Variants in PLGRKT observed in about 807,000 individuals in gnomAD.
PLGRKT encodes plasminogen receptor (KT).
A neutral mutation model predicts 18.5 loss-of-function variants in PLGRKT; 22 were observed. That is an observed-to-expected ratio of 1.19 (90% confidence interval 0.85 to 1.70). PLGRKT has a LOEUF of 1.70. PLGRKT is among the 40% of genes most tolerant of loss of function. The pLI, the probability that PLGRKT is intolerant of heterozygous loss-of-function variation, is 0.00. For synonymous variants in PLGRKT, 72 were observed against 52.8 expected, an observed-to-expected ratio of 1.36 and a Z score of -1.58; for missense variants, 235 against 174.4, an observed-to-expected ratio of 1.35 and a Z score of -1.96.
chr9:5,361,917 G>C, intron 3 of PLGRKT, 29 bp from the exon 4 acceptor site: 1 of 1,600,042 alleles, frequency 6.2e-7, no homozygotes, highest in Non-Finnish European at 8.5e-7. Flanking sequence ...ACAAAGTAAA[G>C]TTACTCATCT....
intron 3 of PLGRKT, among the ~76,000 whole-genome samples, chr9:5,401,363 T>C (rs1000175626): frequency 6.6e-6 from 1 of 152,008 alleles, no homozygotes; most frequent in African/African-American, 2.4e-5. Flanking sequence ...ATTAAAACTT[T>C]GTCTAACACT....
chr9:5,391,809 T>C (rs1047810269), intron 3 of PLGRKT, among the ~76,000 whole-genome samples: 1 of 151,930 alleles, frequency 6.6e-6, no homozygotes, highest in Non-Finnish European at 1.5e-5. Context: ...TAGTGACTTA[T>C]TAGGTTCTCT....
At chr9:5,433,464 G>A (rs1316808137) in intron 2 of PLGRKT, among the ~76,000 whole-genome samples, 6 of 134,434 alleles carry the variant, frequency 4.5e-5, no homozygotes, top group African/African-American at 1.1e-4. Context: ...CCGCCACCCC[G>A]TCTAGGAAGC....
chr9:5,396,808 G>GT (rs147907534), intron 3 of PLGRKT, among the ~76,000 whole-genome samples: 1,893 of 152,052 alleles, frequency 0.012, 23 homozygotes, highest in Middle Eastern at 0.031. Flanking sequence ...TCATCTGAAT[G>GT]TAACAGATGG....
intron 3 of PLGRKT, among the ~76,000 whole-genome samples, chr9:5,421,856 A>G (rs1285036815): frequency 1.3e-5 from 2 of 152,242 alleles, no homozygotes; most frequent in African/African-American, 4.8e-5. Context: ...AAGAGCTTCC[A>G]TTAGCCAAAG....
At chr9:5,434,000 A>AAGTGGGCGCCTCTGCCT (rs1818898038) in intron 2 of PLGRKT, among the ~76,000 whole-genome samples, 1 of 106,706 alleles carries the variant, frequency 9.4e-6, no homozygotes. Flanking sequence ...CCCGTCTGGG[A>AAGTGGGCGCCTCTGCCT]GGAAGTGAGG....
At chr9:5,391,369 C>A (rs990119364) in intron 3 of PLGRKT, among the ~76,000 whole-genome samples, 4 of 151,930 alleles carry the variant, frequency 2.6e-5, no homozygotes, top group African/African-American at 7.3e-5. Flanking sequence ...AGAAAGTCAT[C>A]CTGCTGCAAT....
chr9:5,427,459 C>T (rs997226699), intron 3 of PLGRKT, among the ~76,000 whole-genome samples: 7 of 151,916 alleles, frequency 4.6e-5, no homozygotes, highest in African/African-American at 1.2e-4. Context: ...ATCTACAGTA[C>T]GATATTTTAA....
At chr9:5,363,911 A>C (rs1222170944) in intron 3 of PLGRKT, among the ~76,000 whole-genome samples, 1 of 152,242 alleles carries the variant, frequency 6.6e-6, no homozygotes, top group African/African-American at 2.4e-5. Flanking sequence ...AGAGTTTAAA[A>C]ATAGATGTGT....
At chr9:5,425,309 C>A (rs541840762) in intron 3 of PLGRKT, among the ~76,000 whole-genome samples, 1 of 152,252 alleles carries the variant, frequency 6.6e-6, no homozygotes, top group South Asian at 2.1e-4. Context: ...CTAACACAGG[C>A]TAGAAAGAAA....
chr9:5,360,174 T>C (rs1817231203), intron 5 of PLGRKT, among the ~76,000 whole-genome samples: 1 of 152,244 alleles, frequency 6.6e-6, no homozygotes, highest in Admixed American at 6.5e-5. Context: ...CTGAACTGGA[T>C]AATAGTTTTT....
In PLGRKT at chr9:5,406,784, G is replaced by A. The variant is rs372840870; in HGVS notation, c.81+25113C>T. On this transcript the variant is annotated intron_variant, in intron 3 of 5. Transcript: ENST00000223864. ...TAATAAAAACCTACATATTGGCTAC[G>A]ACACACTACTCAGGTTATGGGTGCA... 7.2e-5 allele frequency among the ~76,000 whole-genome samples: 11 copies of A among 152,170 alleles called. No individual in the cohort carries two copies. In the East Asian group the frequency reaches 7.7e-4, roughly 11 times the overall value.
intron 3 of PLGRKT, among the ~76,000 whole-genome samples, chr9:5,372,336 T>C (rs1175919202): frequency 6.6e-6 from 1 of 152,158 alleles, no homozygotes; most frequent in Non-Finnish European, 1.5e-5. Flanking sequence ...GCACAGTATA[T>C]GCAAGTTACA....
chr9:5,396,801 T>C (rs1455464839), intron 3 of PLGRKT, among the ~76,000 whole-genome samples: 1 of 151,912 alleles, frequency 6.6e-6, no homozygotes, highest in Non-Finnish European at 1.5e-5. Flanking sequence ...ATCATTATCA[T>C]CTGAATGTAA....
rs1040972687 is a variant in PLGRKT at position 5,359,936 on chromosome 9, T to C, written c.322+1142A>G. ...TAAAAATATGTATCATAATAAAATGTACATAAAATTCCACATACTAAATTG... is the reference window on the plus strand; with the variant it reads ...TAAAAATATGTATCATAATAAAATGCACATAAAATTCCACATACTAAATTG... On this transcript the variant is annotated intron_variant, in intron 5 of 5. Coordinates refer to ENST00000223864, the MANE Select transcript of PLGRKT (RefSeq NM_018465.4). Among the ~76,000 whole-genome samples, 5 of 152,256 alleles carry C rather than the reference T, an allele frequency of 3.3e-5. No individual in the cohort carries two copies. In the South Asian group the frequency reaches 8.3e-4, roughly 25 times the overall value.
At chr9:5,393,244 CT>C (rs925697711) in intron 3 of PLGRKT, among the ~76,000 whole-genome samples, 2 of 151,854 alleles carry the variant, frequency 1.3e-5, no homozygotes, top group South Asian at 4.1e-4. Flanking sequence ...GATAAACATC[CT>C]TTTTTGTTCC....
At chr9:5,367,982 G>GA (rs1384593396) in intron 3 of PLGRKT, among the ~76,000 whole-genome samples, 1 of 152,056 alleles carries the variant, frequency 6.6e-6, no homozygotes, top group Non-Finnish European at 1.5e-5. Flanking sequence ...ACAAGCATAT[G>GA]AAAAAATGTT....
At chr9:5,367,561 C>T (rs1817422031) in intron 3 of PLGRKT, among the ~76,000 whole-genome samples, 1 of 152,144 alleles carries the variant, frequency 6.6e-6, no homozygotes, top group Non-Finnish European at 1.5e-5. Flanking sequence ...AAATGGACCC[C>T]TACCTATCAC....
chr9:5,411,135 A>G (rs535243624), intron 3 of PLGRKT, among the ~76,000 whole-genome samples: 2 of 152,122 alleles, frequency 1.3e-5, no homozygotes, highest in Non-Finnish European at 2.9e-5. Context: ...TGTAATCCCA[A>G]CACTTTGGGA....
Sources: allele counts gnomAD v4.1 joint callset (sites outside exome capture counted in the v4.1 genomes callset), GRCh38; gene constraint gnomAD v4.1.1; transcripts MANE v1.5; gene names NCBI Gene and HGNC (gene_info 2026-07-23, HGNC 2026-07-21).